LARP1B: variants seen among roughly 807,000 people sequenced by gnomAD.
LARP1B encodes La ribonucleoprotein 1B.
LARP1B carries 76 observed loss-of-function variants against 114.2 expected under a neutral mutation model. The ratio of observed to expected loss-of-function variants is 0.67; its 90% CI spans 0.55 to 0.81. The LOEUF is 0.81. Ranked by LOEUF, LARP1B falls within the 30% of genes least tolerant of loss-of-function variation. LARP1B has a pLI of 0.00. For missense variants in LARP1B, 1,014 were observed against 1,075.8 expected, an observed-to-expected ratio of 0.94 and a Z score of 0.80; for synonymous variants, 345 against 348.0, an observed-to-expected ratio of 0.99 and a Z score of 0.10.
At chr4:128,136,353 AAAC>A (rs1467797263) in intron 11 of LARP1B, among the ~76,000 whole-genome samples, 1 of 152,034 alleles carries the variant, frequency 6.6e-6, no homozygotes, top group African/African-American at 2.4e-5. Flanking sequence ...AAAAAACAAA[AAAC>A]AAAACTTACA....
At chr4:128,148,802 T>C (rs1385275026) in intron 11 of LARP1B, among the ~76,000 whole-genome samples, 1 of 152,062 alleles carries the variant, frequency 6.6e-6, no homozygotes, top group Non-Finnish European at 1.5e-5. Context: ...AAGTTTTGAA[T>C]TTTTAGTAGA....
intron 1 of LARP1B, 80 bp from the exon 2 acceptor site, chr4:128,074,380 A>G: frequency 4.6e-6 from 1 of 218,196 alleles, no homozygotes; most frequent in Non-Finnish European, 7.8e-6. Context: ...ATACTGATTT[A>G]CTGAAATTGA....
intron 7 of LARP1B, among the ~76,000 whole-genome samples, chr4:128,093,606 G>GA (rs924820182): frequency 4.2e-5 from 6 of 144,004 alleles, no homozygotes; most frequent in Non-Finnish European, 9.2e-5. Context: ...AAAAAAGAAA[G>GA]AAAAAAAAAT....
Position 128,198,020 on chromosome 4 carries a change from G to A in LARP1B, c.2004-1419G>A, listed in dbSNP as rs1019061106. Among the ~76,000 whole-genome samples the A allele has an allele frequency of 2.6e-5, 4 of 151,598 alleles. No homozygotes were observed. In the South Asian group the frequency reaches 8.3e-4, roughly 32 times the overall value. ...CTGCCTCAGCCTCCCGAGTAGCTGG[G>A]ATTACAGGTACATGCCACCACGTCC... is the stretch of plus-strand genomic sequence containing the variant. On this transcript the variant is annotated intron_variant, in intron 15 of 19. Transcript: ENST00000326639.
At chr4:128,085,570 G>A (rs190400089) in intron 5 of LARP1B, among the ~76,000 whole-genome samples, 2 of 152,012 alleles carry the variant, frequency 1.3e-5, no homozygotes, top group East Asian at 1.9e-4. Context: ...GTCTTGCTTC[G>A]TTGCCCGGGC....
chr4:128,166,777 A>G (rs1193263771), intron 12 of LARP1B, among the ~76,000 whole-genome samples: 2 of 149,750 alleles, frequency 1.3e-5, no homozygotes, highest in Non-Finnish European at 3.0e-5. Context: ...ACATCTATAT[A>G]CTTTTTTTTT....
At chr4:128,209,442 C>G (rs781486111) in intron 19 of LARP1B, among the ~76,000 whole-genome samples, 3 of 151,552 alleles carry the variant, frequency 2.0e-5, no homozygotes, top group African/African-American at 4.8e-5. Flanking sequence ...AAAAAACAAG[C>G]AAACAAAAAA....
chr4:128,094,350 GAT>G (rs1777054264), intron 7 of LARP1B, among the ~76,000 whole-genome samples: 1 of 150,370 alleles, frequency 6.7e-6, no homozygotes, highest in African/African-American at 2.4e-5. Flanking sequence ...ACAGCACTCT[GAT>G]AGATTTGTAG....
At chr4:128,117,071 C>T (rs1786132596) in intron 10 of LARP1B, among the ~76,000 whole-genome samples, 1 of 151,866 alleles carries the variant, frequency 6.6e-6, no homozygotes, top group African/African-American at 2.4e-5. Flanking sequence ...GCTATCATGC[C>T]CAGCTAATTT....
intron 11 of LARP1B, among the ~76,000 whole-genome samples, chr4:128,133,216 C>T (rs1792124959): frequency 1.3e-5 from 2 of 152,052 alleles, no homozygotes; most frequent in Non-Finnish European, 2.9e-5. Context: ...TTAATGGTTA[C>T]CAGGTTTCTT....
chr4:128,136,337 CAAAACAA>C (rs564774007), intron 11 of LARP1B, among the ~76,000 whole-genome samples: 130 of 147,330 alleles, frequency 8.8e-4, no homozygotes, highest in Admixed American at 1.5e-3. Flanking sequence ...AACAAAAAAA[CAAAACAA>C]AAAACAAAAA....
At chr4:128,092,772 T>G in intron 7 of LARP1B, 1 of 985,438 alleles carries the variant, frequency 1.0e-6, no homozygotes, top group Non-Finnish European at 1.2e-6. Context: ...CTTCTTTTGT[T>G]ACAGTTGATG....
intron 13 of LARP1B, 57 bp downstream of exon 13, chr4:128,176,964 C>T (rs1746507351): frequency 1.4e-6 from 2 of 1,438,208 alleles, no homozygotes; most frequent in East Asian, 2.3e-5. Flanking sequence ...ATTGGGTATA[C>T]AAAAGATGCA....
chr4:128,207,278 G>A lies in LARP1B; in HGVS notation c.2442G>A (p.Lys814=), dbSNP rs751315718. ...YESGQLYGLE[K]FWAYLKYSQS... ...TAGGTCAGCTGTATGGACTAGAAAAGTTTTGGGCTTATTTGAAATATTCTC... is the reference window on the plus strand; with the variant it reads ...TAGGTCAGCTGTATGGACTAGAAAAATTTTGGGCTTATTTGAAATATTCTC... Residue 814 remains lysine, a synonymous_variant, in exon 19 of 20, where the codon AAG becomes AAA. Coordinates refer to ENST00000326639, the MANE Select transcript of LARP1B (RefSeq NM_018078.4). The A allele has an allele frequency of 2.0e-6, 3 of 1,496,202 alleles. No individual in the cohort carries two copies. The highest frequency in any genetic ancestry group is 2.7e-6 in the Non-Finnish European group (3 of 1,110,482). 92.7% of individuals were successfully genotyped at this position (1,496,202 alleles called of 1,614,324 possible). A position where few individuals can be genotyped will look rare whatever the true frequency, so the allele number is the denominator to read the frequency against.
chr4:128,091,393 T>A lies in LARP1B; in HGVS notation c.549T>A (p.Thr183=). Residue 183 remains threonine, a synonymous_variant, in exon 7 of 20, where the codon ACT becomes ACA. Transcript: ENST00000326639. ...GTTATCAAGAACATGGTGAAAGGAC[T>A]GATCAACCATTTCAAACAGAACTTA... ...SYGYQEHGER[T]DQPFQTELNT... is the part of the protein sequence containing the mutation. The A allele has an allele frequency of 6.2e-7, 1 of 1,612,760 alleles. No individual in the cohort carries two copies. The highest frequency in any genetic ancestry group is 8.5e-7 in the Non-Finnish European group (1 of 1,178,938).
intron 11 of LARP1B, chr4:128,122,724 G>T: frequency 2.4e-6 from 3 of 1,271,284 alleles, no homozygotes; most frequent in South Asian, 3.1e-5. Flanking sequence ...TATCTCTCTT[G>T]GTCTAGTCAT....
intron 4 of LARP1B, among the ~76,000 whole-genome samples, chr4:128,081,786 G>A (rs754323260): frequency 7.2e-5 from 11 of 152,248 alleles, no homozygotes; most frequent in Non-Finnish European, 1.3e-4. Flanking sequence ...CCAGGCTGGA[G>A]TGCAATGGCA....
chr4:128,175,487 A>G (rs1489054361), intron 12 of LARP1B, among the ~76,000 whole-genome samples: 1 of 152,134 alleles, frequency 6.6e-6, no homozygotes, highest in Non-Finnish European at 1.5e-5. Flanking sequence ...TTCTAATTCC[A>G]TCATTCCTTC....
At chr4:128,073,887 G>T (rs1766721219) in intron 1 of LARP1B, among the ~76,000 whole-genome samples, 2 of 151,798 alleles carry the variant, frequency 1.3e-5, no homozygotes, top group Admixed American at 1.3e-4. Flanking sequence ...ACCAGGCCCA[G>T]CCTATATTCT....
Sources: allele counts gnomAD v4.1 joint callset (sites outside exome capture counted in the v4.1 genomes callset), GRCh38; gene constraint gnomAD v4.1.1; transcripts MANE v1.5; gene names NCBI Gene and HGNC (gene_info 2026-07-23, HGNC 2026-07-21).